The following ARID5B variants were observed in gnomAD, a reference collection of about 807,000 sequenced individuals.
ARID5B encodes the protein AT-rich interaction domain 5B.
A neutral mutation model predicts 97.2 loss-of-function variants in ARID5B; 13 were observed. The observed-to-expected ratio is 0.13, with a 90% CI of 0.09 to 0.21. ARID5B has a LOEUF of 0.21. Ranked by LOEUF, ARID5B falls within the 10% of genes least tolerant of loss-of-function variation. ARID5B has a pLI of 1.00. For missense variants in ARID5B, 1,210 were observed against 1,465.3 expected (o/e 0.83, Z 2.84); for synonymous variants, 556 against 570.3 (o/e 0.97, Z 0.36).
intron 2 of ARID5B, among the ~76,000 whole-genome samples, chr10:61,918,893 G>A (rs1843956518): frequency 1.3e-5 from 2 of 152,104 alleles, no homozygotes; most frequent in Non-Finnish European, 2.9e-5. Flanking sequence ...GATTAACTGG[G>A]TGTGGTGGCA....
chr10:61,977,975 G>C (rs558545708), intron 3 of ARID5B, among the ~76,000 whole-genome samples: 89 of 152,286 alleles, frequency 5.8e-4, no homozygotes, highest in Middle Eastern at 3.4e-3. Flanking sequence ...TTTTCTTCTA[G>C]GGTTTTTATG....
chr10:62,063,056 G>A (rs1186872913), intron 7 of ARID5B, among the ~76,000 whole-genome samples: 1 of 152,128 alleles, frequency 6.6e-6, no homozygotes, highest in Non-Finnish European at 1.5e-5. Context: ...CAATGTTTTG[G>A]GGAAAGGATC....
chr10:61,964,727 G>C (rs1011212040), intron 3 of ARID5B, among the ~76,000 whole-genome samples: 13 of 152,142 alleles, frequency 8.5e-5, no homozygotes, highest in Non-Finnish European at 1.3e-4. Context: ...GGTGCTTTGG[G>C]GTAGTTTTTT....
chr10:61,954,601 G>A (rs1212437294), intron 3 of ARID5B, among the ~76,000 whole-genome samples: 1 of 152,160 alleles, frequency 6.6e-6, no homozygotes. Flanking sequence ...TTCTCTGGCT[G>A]TGAACTGGTG....
intron 3 of ARID5B, among the ~76,000 whole-genome samples, chr10:61,990,114 A>G (rs544011080): frequency 1.3e-5 from 2 of 152,298 alleles, no homozygotes; most frequent in East Asian, 3.9e-4. Context: ...AAGACCACTG[A>G]TTTAAGATGA....
chr10:61,929,769 T>C (rs1844171684), intron 2 of ARID5B, among the ~76,000 whole-genome samples: 1 of 152,198 alleles, frequency 6.6e-6, no homozygotes, highest in Non-Finnish European at 1.5e-5. Context: ...AGTCATAATT[T>C]GGTCACGTGA....
chr10:61,998,031 C>T (rs1564623637), intron 3 of ARID5B, among the ~76,000 whole-genome samples: 2 of 152,172 alleles, frequency 1.3e-5, no homozygotes, highest in African/African-American at 2.4e-5. Context: ...TTAAGTGTGC[C>T]AGCTGACAAA....
intron 4 of ARID5B, among the ~76,000 whole-genome samples, chr10:62,011,578 G>A (rs529935230): frequency 1.3e-5 from 2 of 152,124 alleles, no homozygotes; most frequent in Admixed American, 6.5e-5. Flanking sequence ...GTTTGGCCCC[G>A]CCACTCCCAA....
At chr10:62,089,382 T>A (rs1840336209) in intron 9 of ARID5B, among the ~76,000 whole-genome samples, 1 of 152,080 alleles carries the variant, frequency 6.6e-6, no homozygotes, top group Middle Eastern at 3.4e-3. Flanking sequence ...TTCTTAAAAC[T>A]TTTGTTCCCA....
intron 3 of ARID5B, among the ~76,000 whole-genome samples, chr10:61,987,007 C>A (rs936397306): frequency 6.6e-6 from 1 of 152,166 alleles, no homozygotes; most frequent in African/African-American, 2.4e-5. Flanking sequence ...CATCTGGGCA[C>A]TAGTAAGAAG....
chr10:61,912,795 T>A, intron 2 of ARID5B, among the ~76,000 whole-genome samples: 1 of 152,026 alleles, frequency 6.6e-6, no homozygotes. Flanking sequence ...AAGTCTCGCA[T>A]GCTACAGAGA....
At chr10:61,957,026 C>T (rs1166411804) in intron 3 of ARID5B, among the ~76,000 whole-genome samples, 6 of 152,094 alleles carry the variant, frequency 3.9e-5, no homozygotes, top group South Asian at 2.1e-4. Context: ...CCACCTCAGC[C>T]TTTTAAATTG....
chr10:61,998,005 A>G (rs555778943), intron 3 of ARID5B, among the ~76,000 whole-genome samples: 1 of 152,286 alleles, frequency 6.6e-6, no homozygotes, highest in South Asian at 2.1e-4. Flanking sequence ...TTCAAGGTAA[A>G]CATATTTCCT....
rs1178826442 is a variant in ARID5B at position 62,095,249 on chromosome 10, A to G, written c.*2219A>G. 1 of 233,434 alleles carries G rather than the reference A, an allele frequency of 4.3e-6. No homozygotes were observed. The highest frequency in any genetic ancestry group is 8.5e-6 in the Non-Finnish European group (1 of 117,992). The allele number at this position is 233,434 out of a possible 1,614,324, so 14.5% of individuals were successfully genotyped here. On this transcript the variant is annotated 3_prime_UTR_variant, in exon 10 of 10. Transcript: ENST00000279873. ...TGGCAAGATGCTAGCCAGGACACAT[A>G]TAAGAAAGTTGCACTAGATTGAATG...
At chr10:61,934,683 T>C (rs1250498150) in intron 2 of ARID5B, among the ~76,000 whole-genome samples, 2 of 152,114 alleles carry the variant, frequency 1.3e-5, no homozygotes, top group African/African-American at 4.8e-5. Context: ...ATCTGCATGG[T>C]TTGTGGCATC....
At chr10:62,029,325 T>A (rs1240995207) in intron 4 of ARID5B, among the ~76,000 whole-genome samples, 1 of 152,234 alleles carries the variant, frequency 6.6e-6, no homozygotes, top group East Asian at 1.9e-4. Context: ...GAGAATTATA[T>A]CTATCTATGT....
intron 4 of ARID5B, among the ~76,000 whole-genome samples, chr10:62,003,872 C>T (rs1381322951): frequency 6.6e-6 from 1 of 152,110 alleles, no homozygotes; most frequent in Non-Finnish European, 1.5e-5. Context: ...TTAATGTTGT[C>T]CACTGAATAA....
intron 3 of ARID5B, among the ~76,000 whole-genome samples, chr10:61,946,224 G>A (rs1419712593): frequency 1.3e-5 from 2 of 151,936 alleles, no homozygotes; most frequent in Admixed American, 1.3e-4. Context: ...TGGAGGCCTC[G>A]TATTGCAAAT....
At chr10:61,988,936 C>CATT (rs745550231) in intron 3 of ARID5B, among the ~76,000 whole-genome samples, 3 of 122,262 alleles carry the variant, frequency 2.5e-5, no homozygotes, top group African/African-American at 9.3e-5. Context: ...TTTTCTTTTA[C>CATT]TTTTTTTTTT....
Sources: allele counts gnomAD v4.1 joint callset (sites outside exome capture counted in the v4.1 genomes callset), GRCh38; gene constraint gnomAD v4.1.1; transcripts MANE v1.5; gene names NCBI Gene and HGNC (gene_info 2026-07-23, HGNC 2026-07-21).